BCL11B: variants seen among roughly 807,000 people sequenced by gnomAD.
BCL11B encodes BCL11 transcription factor B, also known as B-cell lymphoma/leukemia 11B.
Under a neutral mutation model 49.9 loss-of-function variants are expected in BCL11B, and 8 were observed. The observed-to-expected ratio is 0.16, with a 90% CI of 0.09 to 0.29. BCL11B has a LOEUF of 0.29. Ranked by LOEUF, BCL11B falls within the 10% of genes least tolerant of loss-of-function variation. The pLI is 1.00. For missense variants in BCL11B, 1,006 were observed against 1,351.0 expected, an observed-to-expected ratio of 0.74 and a Z score of 4.00; for synonymous variants, 739 against 637.4, an observed-to-expected ratio of 1.16 and a Z score of -2.40.
chr14:99,173,827 T>C lies in BCL11B; in HGVS notation c.*324A>G. 2.8e-6 allele frequency: 1 copy of C among 357,402 alleles called. No homozygotes were observed. Among genetic ancestry groups the C allele is most frequent in the Non-Finnish European group, 5.1e-6 (1 of 197,580 alleles). The allele number at this position is 357,402 out of a possible 1,614,324, so 22.1% of individuals were successfully genotyped here. On this transcript the variant is annotated 3_prime_UTR_variant, in exon 4 of 4. Transcript: ENST00000357195. ...GGTTAAAAAAAAAACAAAGAAGGGA[T>C]GGATACCCAACAAAATCTCTTAAAG...
chr14:99,243,815 A>C (rs2139921285), intron 2 of BCL11B, among the ~76,000 whole-genome samples: 1 of 151,708 alleles, frequency 6.6e-6, no homozygotes, highest in South Asian at 2.1e-4. Context: ...CCTCCGAAGG[A>C]GGCTTCTCCA....
intron 3 of BCL11B, among the ~76,000 whole-genome samples, chr14:99,197,058 G>C (rs1887198436): frequency 6.6e-6 from 1 of 152,174 alleles, no homozygotes; most frequent in East Asian, 1.9e-4. Flanking sequence ...CTCAGACCTG[G>C]AAGCATACTC....
At chr14:99,268,989 A>G (rs1889567909) in intron 1 of BCL11B, among the ~76,000 whole-genome samples, 1 of 143,420 alleles carries the variant, frequency 7.0e-6, no homozygotes, top group Non-Finnish European at 1.5e-5. Flanking sequence ...AGCTGCCACC[A>G]GTCCTCTGGC....
intron 1 of BCL11B, among the ~76,000 whole-genome samples, chr14:99,268,916 C>T (rs890764982): frequency 2.6e-5 from 4 of 152,168 alleles, no homozygotes; most frequent in African/African-American, 4.8e-5. Context: ...CAGGGCTGAG[C>T]GAGACAGGGA....
At chr14:99,256,550 T>A (rs1475190562) in intron 2 of BCL11B, among the ~76,000 whole-genome samples, 2 of 152,110 alleles carry the variant, frequency 1.3e-5, no homozygotes, top group Non-Finnish European at 2.9e-5. Context: ...GGCCCTCCTT[T>A]CTCCCCCAGG....
At chr14:99,208,753 CA>C (rs1332250763) in intron 3 of BCL11B, among the ~76,000 whole-genome samples, 12 of 152,240 alleles carry the variant, frequency 7.9e-5, no homozygotes, top group African/African-American at 2.9e-4. Context: ...CGAGTCTGCG[CA>C]AAGGAGTGCT....
chr14:99,174,744 G>C lies in BCL11B; in HGVS notation c.2092C>G (p.Pro698Ala). 1 of 1,525,332 alleles carries C rather than the reference G, an allele frequency of 6.6e-7. No individual in the cohort carries two copies. The highest frequency in any genetic ancestry group is 1.2e-5 in the South Asian group (1 of 81,270). 94.5% of individuals were successfully genotyped at this position (1,525,332 alleles called of 1,614,324 possible). A position where few individuals can be genotyped will look rare whatever the true frequency, so the allele number is the denominator to read the frequency against. ...IKVEKDLELPPAALIPSENVY... is the reference protein window; with the variant it reads ...IKVEKDLELPAAALIPSENVY... ...TTCTCGGACGGGATGAGCGCGGCGG[G>C]CGGCAGCTCCAGGTCCTTCTCCACC... The change falls in exon 4 of 4, where the codon CCC becomes GCC. Residue 698 changes from proline to alanine, a missense_variant. Around this residue, in one of 6 missense-constraint regions of BCL11B, gnomAD observed 443 missense variants for 499.7 expected, o/e 0.89. Coordinates refer to ENST00000357195, the MANE Select transcript of BCL11B (RefSeq NM_138576.4).
chr14:99,169,765 C>T lies in BCL11B; in HGVS notation c.*4386G>A, dbSNP rs894593722. The T allele has an allele frequency of 2.2e-4, 49 of 225,092 alleles. 1 individual carries two copies. The highest frequency in any genetic ancestry group is 9.1e-4 in the African/African-American group (41 of 44,958). The allele number at this position is 225,092 out of a possible 1,614,324, so 13.9% of individuals were successfully genotyped here. A position where few individuals can be genotyped will look rare whatever the true frequency, so the allele number is the denominator to read the frequency against. The stretch of plus-strand genomic sequence containing the variant: ...GTTTGCCTGTGTTCCACGAGACCTT[C>T]GGCTGACGGTTACTTAGGACCGGGA... On this transcript the variant is annotated 3_prime_UTR_variant, in exon 4 of 4. Coordinates refer to ENST00000357195, the MANE Select transcript of BCL11B (RefSeq NM_138576.4).
intron 3 of BCL11B, among the ~76,000 whole-genome samples, chr14:99,214,902 C>T (rs1331692223): frequency 2.0e-5 from 3 of 152,098 alleles, no homozygotes; most frequent in African/African-American, 4.8e-5. Context: ...CACCCAGGTA[C>T]AGCCATCTCC....
At chr14:99,199,688 G>GCGCC (rs1566806718) in intron 3 of BCL11B, among the ~76,000 whole-genome samples, 1 of 63,806 alleles carries the variant, frequency 1.6e-5, no homozygotes, top group African/African-American at 4.0e-5. Context: ...GTGTGTGCGC[G>GCGCC]CGCGCGCGCA....
chr14:99,255,421 A>C lies in BCL11B; in HGVS notation c.427+2050T>G, dbSNP rs1167970503. Among the ~76,000 whole-genome samples, 13 of 150,706 alleles carry C rather than the reference A, an allele frequency of 8.6e-5. 1 individual carries two copies. The highest frequency in any genetic ancestry group is 3.9e-4 in the East Asian group (2 of 5,178). On this transcript the variant is annotated intron_variant, in intron 2 of 3. Coordinates refer to ENST00000357195, the MANE Select transcript of BCL11B (RefSeq NM_138576.4). ...CACAACCTGGAAAAAAAAAAAAAAA[A>C]AAAAAAAAAAAAAACAGGGGGGCCA...
At chr14:99,181,027 C>T (rs967701336) in intron 3 of BCL11B, among the ~76,000 whole-genome samples, 1 of 152,140 alleles carries the variant, frequency 6.6e-6, no homozygotes, top group African/African-American at 2.4e-5. Flanking sequence ...ATAAAGGTAT[C>T]AGAGATGTTC....
At position 99,174,091 on chromosome 14, in the gene BCL11B, G is replaced by A; in HGVS notation, c.*60C>T. 1 of 1,544,720 alleles carries A rather than the reference G, an allele frequency of 6.5e-7. No individual in the cohort carries two copies. The highest frequency in any genetic ancestry group is 8.8e-7 in the Non-Finnish European group (1 of 1,136,172). On this transcript the variant is annotated 3_prime_UTR_variant, in exon 4 of 4. Transcript: ENST00000357195. ...GGTGACACGGAGGCAAGTCAGGTCAGCATTCTCTCGGTTGGCAACGGTTCC... is the reference window on the plus strand; with the variant it reads ...GGTGACACGGAGGCAAGTCAGGTCAACATTCTCTCGGTTGGCAACGGTTCC...
chr14:99,231,711 C>T lies in BCL11B; in HGVS notation c.428-154G>A, dbSNP rs1183313288. Among the ~76,000 whole-genome samples, 5 of 147,420 alleles carry T rather than the reference C, an allele frequency of 3.4e-5. No individual in the cohort carries two copies. The highest frequency in any genetic ancestry group is 7.5e-5 in the Non-Finnish European group (5 of 67,108). ...TGCCAGGCCCTGCAGGGAAGGCAAT[C>T]GGGACACAGGCGAGGGAATGGGCTC... On this transcript the variant is annotated intron_variant, in intron 2 of 3. Coordinates refer to ENST00000357195, the MANE Select transcript of BCL11B (RefSeq NM_138576.4). This position sits in a 1 kb window ranked among gnomAD's most constrained non-coding sequence, Gnocchi z 8.1.
chr14:99,217,687 C>T (rs1231468301), intron 3 of BCL11B, among the ~76,000 whole-genome samples: 3 of 152,164 alleles, frequency 2.0e-5, no homozygotes, highest in Non-Finnish European at 4.4e-5. Context: ...AGCCAGGACA[C>T]CCCAGGCTCC....
chr14:99,197,024 A>G (rs549549209), intron 3 of BCL11B, among the ~76,000 whole-genome samples: 2 of 152,330 alleles, frequency 1.3e-5, no homozygotes, highest in Admixed American at 6.5e-5. Context: ...AAGGTTTCAC[A>G]TGCATAATTC....
intron 1 of BCL11B, among the ~76,000 whole-genome samples, chr14:99,270,674 G>T (rs534880152): frequency 9.2e-4 from 140 of 151,772 alleles, no homozygotes; most frequent in Middle Eastern, 3.4e-3. Context: ...CCCCCAGCCG[G>T]AACGCACCCC....
intron 2 of BCL11B, among the ~76,000 whole-genome samples, chr14:99,244,156 C>T (rs1888754370): frequency 6.6e-6 from 1 of 152,154 alleles, no homozygotes; most frequent in Admixed American, 6.5e-5. Flanking sequence ...AGGGAGAAAT[C>T]ACGCGTAATT....
At position 99,184,106 on chromosome 14, in the gene BCL11B, C is replaced by A. The variant is rs1483762330; in HGVS notation, c.641-7911G>T. Reference sequence around the variant, plus strand: ...AGGACGATGTATCAGGCACCCCAGCCTTTGGGATCCGGTCCCACTTGCTGC... The same window carrying A: ...AGGACGATGTATCAGGCACCCCAGCATTTGGGATCCGGTCCCACTTGCTGC... On this transcript the variant is annotated intron_variant, in intron 3 of 3. Coordinates refer to ENST00000357195, the MANE Select transcript of BCL11B (RefSeq NM_138576.4). The surrounding 1 kb of genome is among the most constrained non-coding windows in gnomAD (Gnocchi z 6.1). 6.6e-6 allele frequency among the ~76,000 whole-genome samples: 1 copy of A among 152,098 alleles called. No individual in the cohort carries two copies. Among genetic ancestry groups the A allele is most frequent in the African/African-American group, 2.4e-5 (1 of 41,416 alleles).
Sources: allele counts gnomAD v4.1 joint callset (sites outside exome capture counted in the v4.1 genomes callset), GRCh38; gene constraint gnomAD v4.1.1; regional missense constraint gnomAD v4.1.1; non-coding constraint Gnocchi (gnomAD v3.1); transcripts MANE v1.5; gene names NCBI Gene and HGNC (gene_info 2026-07-23, HGNC 2026-07-21).